Variants in GSE1 observed in about 807,000 individuals in gnomAD.
GSE1 encodes genetic suppressor element 1.
GSE1 carries 32 observed loss-of-function variants against 112.6 expected under a neutral mutation model. That is an observed-to-expected ratio of 0.28 (90% CI 0.21 to 0.38). The LOEUF (loss-of-function observed/expected upper bound fraction) is 0.38. GSE1 is among the 10% of genes least tolerant of loss of function. The pLI is 1.00. For synonymous variants in GSE1, 1,115 were observed against 735.6 expected (o/e 1.52, Z -8.35); for missense variants, 2,348 against 1,699.2 (o/e 1.38, Z -6.71).
chr16:85,633,616 C>T (rs903069820), intron 1 of GSE1, among the ~76,000 whole-genome samples: 3 of 152,214 alleles, frequency 2.0e-5, no homozygotes, highest in South Asian at 2.1e-4. Context: ...GGATCCTCCA[C>T]GACCTGCCCA....
At chr16:85,642,332 A>G (rs540065970) in intron 2 of GSE1, among the ~76,000 whole-genome samples, 17 of 152,250 alleles carry the variant, frequency 1.1e-4, no homozygotes, top group Non-Finnish European at 1.9e-4. Flanking sequence ...TGTAATTAAA[A>G]AGAAAATTTT....
At chr16:85,579,061 G>A (rs184978650) in intron 1 of GSE1, among the ~76,000 whole-genome samples, 39 of 152,308 alleles carry the variant, frequency 2.6e-4, no homozygotes, top group African/African-American at 9.1e-4. Flanking sequence ...AGCATCTTGG[G>A]ATTTAAGGTT....
chr16:85,442,441 GATGAATGA>G lies in GSE1; in HGVS notation c.2464+84820_2464+84827del, dbSNP rs57785914. On this transcript the variant is annotated intron_variant, in intron 2 of 2. Transcript: ENST00000637419. ...TGGACAAATGTTTATTGAATGAATG[GATGAATGA>G]ATGAATGAATGAATGAATGAAGGGA... Among the ~76,000 whole-genome samples, 42 of 150,472 alleles carry G rather than the reference GATGAATGA, an allele frequency of 2.8e-4. No individual in the cohort carries two copies. The South Asian group carries it at 7.2e-3, about 26-fold the overall frequency.
intron 2 of GSE1, among the ~76,000 whole-genome samples, chr16:85,412,660 A>G (rs1458235465): frequency 1.6e-4 from 9 of 55,104 alleles, no homozygotes; most frequent in Non-Finnish European, 3.2e-4. Context: ...CGTTACACTC[A>G]GGGCCCCCCT....
intron 1 of GSE1, among the ~76,000 whole-genome samples, chr16:85,577,045 C>T (rs888424390): frequency 1.3e-5 from 2 of 152,142 alleles, no homozygotes; most frequent in Non-Finnish European, 2.9e-5. Flanking sequence ...CCCCAAGCAC[C>T]CGGCCAGGGG....
At chr16:85,530,096 C>T (rs1012518223) in intron 2 of GSE1, among the ~76,000 whole-genome samples, 1 of 152,222 alleles carries the variant, frequency 6.6e-6, no homozygotes, top group African/African-American at 2.4e-5. Flanking sequence ...TAGGAAATGG[C>T]AGGACTGTCT....
chr16:85,635,561 T>C (rs778113996), intron 2 of GSE1, among the ~76,000 whole-genome samples: 29 of 152,142 alleles, frequency 1.9e-4, no homozygotes, highest in Non-Finnish European at 3.1e-4. Flanking sequence ...GAAGCTGAGC[T>C]TGGAGTCGAG....
At chr16:85,328,792 GGCGTCC>G (rs1194336719) in intron 1 of GSE1, among the ~76,000 whole-genome samples, 2,629 of 144,318 alleles carry the variant, frequency 0.018, 81 homozygotes, top group African/African-American at 0.061. Flanking sequence ...CTTGCGGCTG[GGCGTCC>G]CCGCCCCGGG....
chr16:85,496,653 C>T (rs955506400), intron 2 of GSE1, among the ~76,000 whole-genome samples: 3 of 152,172 alleles, frequency 2.0e-5, no homozygotes, highest in Non-Finnish European at 2.9e-5. Flanking sequence ...CATGCTGTCA[C>T]GACATATAGA....
chr16:85,514,099 CT>C (rs530368460), intron 2 of GSE1, among the ~76,000 whole-genome samples: 67 of 151,916 alleles, frequency 4.4e-4, no homozygotes, highest in Middle Eastern at 6.8e-3. Flanking sequence ...GAGGTCAGGG[CT>C]GATCACTCTC....
At chr16:85,556,205 TTTA>T in exon 1 of GSE1, 1 of 984,914 alleles carries the variant, frequency 1.0e-6, no homozygotes, top group South Asian at 4.7e-5. Flanking sequence ...CTGCCTTTAT[TTTA>T]TTGTTTTGGA....
chr16:85,409,345 C>T (rs1157958953), intron 2 of GSE1, among the ~76,000 whole-genome samples: 2 of 44,996 alleles, frequency 4.4e-5, no homozygotes, highest in Non-Finnish European at 8.9e-5. Flanking sequence ...TCAGGGCCCC[C>T]CTGGATAATC....
At chr16:85,353,616 T>A (rs750353122) in intron 1 of GSE1, among the ~76,000 whole-genome samples, 6 of 152,324 alleles carry the variant, frequency 3.9e-5, no homozygotes, top group Middle Eastern at 6.8e-3. Flanking sequence ...GGAGGATCAC[T>A]TGAGCCCAGG....
At chr16:85,523,833 G>A (rs769353771) in intron 2 of GSE1, among the ~76,000 whole-genome samples, 1 of 152,252 alleles carries the variant, frequency 6.6e-6, no homozygotes, top group African/African-American at 2.4e-5. Flanking sequence ...TTCAGAGCCA[G>A]CAACACCACG....
chr16:85,423,042 G>A (rs897974058), intron 2 of GSE1, among the ~76,000 whole-genome samples: 17 of 152,292 alleles, frequency 1.1e-4, no homozygotes, highest in Middle Eastern at 3.4e-3. Flanking sequence ...CCTGCCCAAG[G>A]AGGCATTGAG....
intron 2 of GSE1, among the ~76,000 whole-genome samples, chr16:85,392,100 C>T (rs1180366755): frequency 2.0e-5 from 3 of 152,182 alleles, no homozygotes; most frequent in Non-Finnish European, 2.9e-5. Flanking sequence ...CCTCCCTTCC[C>T]GTGATTCCCT....
At chr16:85,249,983 C>T (rs1411200565) in intron 1 of GSE1, among the ~76,000 whole-genome samples, 6 of 152,242 alleles carry the variant, frequency 3.9e-5, no homozygotes, top group African/African-American at 7.2e-5. Context: ...GGGATGAGAA[C>T]GGCTCCTGCC....
chr16:85,310,193 TGACCCAGCCTGCCTG>T (rs949292187), intron 1 of GSE1, among the ~76,000 whole-genome samples: 3 of 152,114 alleles, frequency 2.0e-5, no homozygotes, highest in Non-Finnish European at 4.4e-5. Context: ...CCCCACGCCC[TGACCCAGCCTGCCTG>T]GGTGGCAGGA....
intron 1 of GSE1, among the ~76,000 whole-genome samples, chr16:85,178,843 G>A (rs2074521904): frequency 6.7e-6 from 1 of 149,138 alleles, no homozygotes; most frequent in Admixed American, 6.7e-5. Flanking sequence ...GGCTCGAGGT[G>A]GGACTGAGGG....
Sources: allele counts gnomAD v4.1 joint callset (sites outside exome capture counted in the v4.1 genomes callset), GRCh38; gene constraint gnomAD v4.1.1; transcripts MANE v1.5; gene names NCBI Gene and HGNC (gene_info 2026-07-23, HGNC 2026-07-21).